SIPA1L1: variants seen among roughly 807,000 people sequenced by gnomAD.
SIPA1L1 encodes signal-induced proliferation-associated 1-like protein 1.
A neutral mutation model predicts 162.7 loss-of-function variants in SIPA1L1; 26 were observed. The observed-to-expected ratio is 0.16, with a 90% CI of 0.12 to 0.22. The LOEUF (loss-of-function observed/expected upper bound fraction) is 0.22. SIPA1L1 is among the 10% of genes least tolerant of loss of function. The pLI is 1.00. For missense variants in SIPA1L1, 1,874 were observed against 2,241.0 expected (o/e 0.84, Z 3.31); for synonymous variants, 829 against 837.4 (o/e 0.99, Z 0.17).
chr14:71,738,951 T>C (rs2085575545), intron 23 of SIPA1L1, 67 bp from the exon 24 acceptor site: 4 of 1,542,082 alleles, frequency 2.6e-6, no homozygotes, highest in Non-Finnish European at 3.5e-6. Context: ...CCATAGCTAT[T>C]ACTCAGAAGA....
rs185197642 is a variant in SIPA1L1 at position 71,378,748 on chromosome 14, A to G, written c.-465+57567A>G. Among the ~76,000 whole-genome samples, 98 of 151,338 alleles carry G rather than the reference A, an allele frequency of 6.5e-4. 1 individual carries two copies. The highest frequency in any genetic ancestry group is 1.2e-3 in the Non-Finnish European group (84 of 67,826). ...ATTGAAAATCTATGATGATTTTGTC[A>G]TTGTCCTTTTTTTATTATGTCTGTT... On this transcript the variant is annotated intron_variant, in intron 2 of 23. Transcript: ENST00000381232.
chr14:71,738,378 A>G, intron 23 of SIPA1L1, 53 bp downstream of exon 23: 1 of 1,222,992 alleles, frequency 8.2e-7, no homozygotes, highest in Non-Finnish European at 1.2e-6. Context: ...CTACCCTTGA[A>G]CCATGAGAGC....
intron 17 of SIPA1L1, among the ~76,000 whole-genome samples, chr14:71,723,061 T>C (rs1353854853): frequency 6.6e-6 from 1 of 152,252 alleles, no homozygotes; most frequent in Non-Finnish European, 1.5e-5. Flanking sequence ...TTAACCAATG[T>C]TGCCCTAGTT....
chr14:71,627,803 CT>C (rs2040183778), intron 7 of SIPA1L1, among the ~76,000 whole-genome samples: 1 of 152,178 alleles, frequency 6.6e-6, no homozygotes, highest in Non-Finnish European at 1.5e-5. Flanking sequence ...CCTGTCATCC[CT>C]TAATAGCCCT....
chr14:71,359,703 G>C (rs1254574190), intron 2 of SIPA1L1, among the ~76,000 whole-genome samples: 3 of 152,060 alleles, frequency 2.0e-5, no homozygotes, highest in African/African-American at 7.2e-5. Flanking sequence ...TCATCAGTTG[G>C]TATATAAAGA....
intron 10 of SIPA1L1, among the ~76,000 whole-genome samples, chr14:71,665,736 A>G (rs1199800382): frequency 1.3e-5 from 2 of 152,320 alleles, no homozygotes; most frequent in South Asian, 4.1e-4. Context: ...ATATATTCCA[A>G]GACCCCCAGA....
intron 5 of SIPA1L1, among the ~76,000 whole-genome samples, chr14:71,592,673 A>G (rs760006844): frequency 6.6e-6 from 1 of 152,200 alleles, no homozygotes; most frequent in African/African-American, 2.4e-5. Context: ...AAAGTATGCT[A>G]TACAGCTGAT....
intron 4 of SIPA1L1, among the ~76,000 whole-genome samples, chr14:71,542,541 T>TC (rs1409443932): frequency 7.3e-6 from 1 of 137,660 alleles, no homozygotes; most frequent in African/African-American, 2.8e-5. Flanking sequence ...TTCCTCCTCC[T>TC]CTCTTCCTCC....
intron 2 of SIPA1L1, among the ~76,000 whole-genome samples, chr14:71,426,843 C>T (rs1178287322): frequency 6.6e-6 from 1 of 152,144 alleles, no homozygotes; most frequent in African/African-American, 2.4e-5. Context: ...ATAGTTCAGG[C>T]ACCACCTTTT....
At chr14:71,695,241 TAAA>T (rs2081538103) in intron 13 of SIPA1L1, among the ~76,000 whole-genome samples, 1 of 152,208 alleles carries the variant, frequency 6.6e-6, no homozygotes, top group African/African-American at 2.4e-5. Context: ...TCTAGAGTCA[TAAA>T]AACATTTGGG....
At chr14:71,452,828 C>A (rs542985891) in intron 2 of SIPA1L1, among the ~76,000 whole-genome samples, 1 of 152,288 alleles carries the variant, frequency 6.6e-6, no homozygotes, top group East Asian at 1.9e-4. Context: ...CTGGGGAGAT[C>A]TTATGTTATT....
chr14:71,645,593 T>G (rs1469062281), intron 7 of SIPA1L1, among the ~76,000 whole-genome samples: 2 of 152,196 alleles, frequency 1.3e-5, no homozygotes, highest in Admixed American at 1.3e-4. Flanking sequence ...CAAGTTAATA[T>G]TTTACTGCTT....
intron 2 of SIPA1L1, among the ~76,000 whole-genome samples, chr14:71,452,126 A>G (rs1319252918): frequency 6.6e-6 from 1 of 152,132 alleles, no homozygotes; most frequent in Non-Finnish European, 1.5e-5. Context: ...TATAACCAGC[A>G]TCACAATTAA....
In SIPA1L1 at chr14:71,529,383, C is replaced by T; in HGVS notation, c.-303+13C>T. 1 of 656,384 alleles carries T rather than the reference C, an allele frequency of 1.5e-6. No homozygotes were observed. Among genetic ancestry groups the T allele is most frequent in the Non-Finnish European group, 2.8e-6 (1 of 359,372 alleles). The allele number at this position is 656,384 out of a possible 1,614,324, so 40.7% of individuals were successfully genotyped here. On this transcript the variant is annotated intron_variant, in intron 4 of 23. Transcript: ENST00000381232. ...GCACAAGAATATAGTAAGTACTATG[C>T]CATACTTCCTATGACCTACCTGCTT...
chr14:71,643,953 G>A (rs139974431), intron 7 of SIPA1L1, among the ~76,000 whole-genome samples: 216 of 152,062 alleles, frequency 1.4e-3, no homozygotes, highest in Non-Finnish European at 2.5e-3. Flanking sequence ...GATTACAGGC[G>A]CCCACCACCA....
chr14:71,485,499 G>A (rs560355251), intron 2 of SIPA1L1, among the ~76,000 whole-genome samples: 1 of 152,000 alleles, frequency 6.6e-6, no homozygotes, highest in Admixed American at 6.5e-5. Context: ...TGCATGTGAG[G>A]GATCTAGGTT....
chr14:71,429,182 A>AT (rs1181035502), intron 2 of SIPA1L1, among the ~76,000 whole-genome samples: 1 of 152,080 alleles, frequency 6.6e-6, no homozygotes, highest in African/African-American at 2.4e-5. Context: ...TTTGTGGGAC[A>AT]TTTTTTCAAG....
intron 4 of SIPA1L1, among the ~76,000 whole-genome samples, chr14:71,549,607 C>T (rs186736819): frequency 1.2e-3 from 181 of 152,276 alleles, no homozygotes; most frequent in African/African-American, 4.2e-3. Context: ...TCACCAGACA[C>T]ATTGTACGAA....
At chr14:71,331,694 T>C (rs1159247948) in intron 2 of SIPA1L1, among the ~76,000 whole-genome samples, 1 of 152,198 alleles carries the variant, frequency 6.6e-6, no homozygotes, top group Non-Finnish European at 1.5e-5. Context: ...CTGTCACTTG[T>C]GGTAATTTTT....
Sources: gnomAD v4.1 joint callset for allele counts (sites outside exome capture counted in the v4.1 genomes callset) on GRCh38, gnomAD v4.1.1 for gene constraint, MANE v1.5 for transcripts, NCBI Gene and HGNC (gene_info 2026-07-23, HGNC 2026-07-21) for gene names.